RSRC1: variants seen among roughly 807,000 people sequenced by gnomAD.
RSRC1 encodes arginine and serine rich coiled-coil 1, also known as serine/Arginine-related protein 53.
RSRC1 carries 39 observed loss-of-function variants against 49.1 expected under a neutral mutation model. That is an observed-to-expected ratio of 0.79 (90% confidence interval 0.61 to 1.04). The LOEUF is 1.04. Ranked by LOEUF, RSRC1 falls within the 50% of genes least tolerant of loss-of-function variation. RSRC1 has a pLI of 0.00. For synonymous variants in RSRC1, 143 were observed against 130.8 expected, an observed-to-expected ratio of 1.09 and a Z score of -0.63; for missense variants, 388 against 402.4, an observed-to-expected ratio of 0.96 and a Z score of 0.31.
intron 3 of RSRC1, among the ~76,000 whole-genome samples, chr3:158,158,938 C>CAAA (rs11340589): frequency 1.7e-5 from 2 of 119,378 alleles, no homozygotes; most frequent in African/African-American, 3.1e-5. Context: ...GACTCTGTCT[C>CAAA]AAAAAAAAAA....
At chr3:158,459,974 G>C (rs541668598) in intron 6 of RSRC1, among the ~76,000 whole-genome samples, 40 of 151,918 alleles carry the variant, frequency 2.6e-4, no homozygotes, top group African/African-American at 9.2e-4. Context: ...AGGATGTGTT[G>C]ATTTTGCATA....
chr3:158,151,810 A>G (rs1366248657), intron 3 of RSRC1, among the ~76,000 whole-genome samples: 2 of 152,282 alleles, frequency 1.3e-5, no homozygotes, highest in Admixed American at 6.5e-5. Context: ...TACAGTAAAT[A>G]CTGTACAAGT....
chr3:158,531,275 G>A (rs1712385260), intron 7 of RSRC1, among the ~76,000 whole-genome samples: 1 of 151,812 alleles, frequency 6.6e-6, no homozygotes, highest in Admixed American at 6.6e-5. Flanking sequence ...ATCACAAAGT[G>A]GACATCAGGC....
At chr3:158,209,266 G>T (rs1383615963) in intron 4 of RSRC1, among the ~76,000 whole-genome samples, 1 of 152,094 alleles carries the variant, frequency 6.6e-6, no homozygotes, top group African/African-American at 2.4e-5. Flanking sequence ...CAGTTATCAA[G>T]GGAGTGGGTA....
At chr3:158,146,494 G>A (rs1717126627) in intron 3 of RSRC1, among the ~76,000 whole-genome samples, 1 of 152,154 alleles carries the variant, frequency 6.6e-6, no homozygotes, top group African/African-American at 2.4e-5. Context: ...TGATCATGGT[G>A]GATAAGCTTT....
intron 3 of RSRC1, among the ~76,000 whole-genome samples, chr3:158,129,840 T>C (rs1257670422): frequency 6.6e-6 from 1 of 152,214 alleles, no homozygotes; most frequent in Non-Finnish European, 1.5e-5. Context: ...GGGACTTTGA[T>C]TGGATGTTTA....
chr3:158,342,826 A>C (rs1410370557), intron 5 of RSRC1, among the ~76,000 whole-genome samples: 1 of 152,200 alleles, frequency 6.6e-6, no homozygotes, highest in Non-Finnish European at 1.5e-5. Flanking sequence ...ATGAAGTATG[A>C]TGATTCCTGA....
At chr3:158,331,892 A>G (rs1272746705) in intron 5 of RSRC1, among the ~76,000 whole-genome samples, 1 of 151,150 alleles carries the variant, frequency 6.6e-6, no homozygotes, top group Non-Finnish European at 1.5e-5. Context: ...TTCCTACACT[A>G]CCATACTAAT....
intron 6 of RSRC1, among the ~76,000 whole-genome samples, chr3:158,440,890 C>G (rs751405720): frequency 2.0e-5 from 3 of 151,858 alleles, no homozygotes; most frequent in Non-Finnish European, 4.4e-5. Flanking sequence ...TGCAGAGACC[C>G]GAGATCACCC....
chr3:158,484,988 A>C (rs1560061814), intron 7 of RSRC1, among the ~76,000 whole-genome samples: 1 of 152,116 alleles, frequency 6.6e-6, no homozygotes, highest in Non-Finnish European at 1.5e-5. Context: ...ATATTTAACA[A>C]AATGTTTAAC....
intron 6 of RSRC1, among the ~76,000 whole-genome samples, chr3:158,422,538 G>C (rs947349603): frequency 4.6e-5 from 7 of 150,996 alleles, no homozygotes; most frequent in Admixed American, 1.3e-4. Context: ...ATAAACATAC[G>C]TGTGCATGTG....
At chr3:158,404,576 A>C (rs563609406) in intron 6 of RSRC1, among the ~76,000 whole-genome samples, 13 of 152,054 alleles carry the variant, frequency 8.5e-5, no homozygotes, top group African/African-American at 3.1e-4. Flanking sequence ...ATTGTGAAAT[A>C]ATGGCTTGTC....
intron 5 of RSRC1, among the ~76,000 whole-genome samples, chr3:158,329,757 A>G (rs1333716582): frequency 5.3e-5 from 8 of 152,164 alleles, no homozygotes; most frequent in African/African-American, 1.9e-4. Context: ...ACTCTCTTCA[A>G]AGCTGTCAGA....
intron 3 of RSRC1, among the ~76,000 whole-genome samples, chr3:158,159,747 G>C (rs963105696): frequency 6.6e-6 from 1 of 151,828 alleles, no homozygotes; most frequent in Admixed American, 6.6e-5. Flanking sequence ...AACTTTTTTT[G>C]ATGAGGGCTT....
intron 7 of RSRC1, among the ~76,000 whole-genome samples, chr3:158,477,425 C>T (rs1235961007): frequency 6.6e-6 from 1 of 152,056 alleles, no homozygotes; most frequent in African/African-American, 2.4e-5. Context: ...CTTCAGTGAC[C>T]ACCACCTTGA....
rs551935918 is a variant in RSRC1, at chr3:158,418,147, A to G, written c.584-42788A>G. On this transcript the variant is annotated intron_variant, in intron 6 of 9. Transcript: ENST00000611884. ...TATCATCATGATCATTATCATCACT[A>G]TGTGATGTAGTATATAACATCCTCA... Among the ~76,000 whole-genome samples, 3 of 152,146 alleles carry G rather than the reference A, an allele frequency of 2.0e-5. No individual in the cohort carries two copies. In the South Asian group the frequency reaches 6.2e-4, roughly 32 times the overall value.
chr3:158,531,560 C>T (rs1461456306), intron 7 of RSRC1, among the ~76,000 whole-genome samples: 1 of 151,806 alleles, frequency 6.6e-6, no homozygotes, highest in African/African-American at 2.4e-5. Flanking sequence ...TCAGGAGCCT[C>T]GTCCGCATAT....
At chr3:158,240,895 T>C (rs1390795969) in intron 4 of RSRC1, among the ~76,000 whole-genome samples, 1 of 152,164 alleles carries the variant, frequency 6.6e-6, no homozygotes, top group Non-Finnish European at 1.5e-5. Context: ...CAATATACAA[T>C]ACAATAAAAT....
intron 5 of RSRC1, among the ~76,000 whole-genome samples, chr3:158,347,397 T>C (rs569335858): frequency 8.5e-5 from 13 of 152,350 alleles, no homozygotes; most frequent in African/African-American, 3.1e-4. Flanking sequence ...TTATTTCAAC[T>C]ATACATTCTC....
Sources: gnomAD v4.1 joint callset for allele counts (sites outside exome capture counted in the v4.1 genomes callset) on GRCh38, gnomAD v4.1.1 for gene constraint, MANE v1.5 for transcripts, NCBI Gene and HGNC (gene_info 2026-07-23, HGNC 2026-07-21) for gene names.